NEMP2: variants seen among roughly 807,000 people sequenced by gnomAD.
The protein encoded by NEMP2 is nuclear envelope integral membrane protein 2, also known as UPF0571 transmembrane protein.
In NEMP2, 53 loss-of-function variants were observed where a neutral mutation model predicts 54.2. The ratio of observed to expected loss-of-function variants is 0.98; its 90% CI spans 0.78 to 1.23. The LOEUF (loss-of-function observed/expected upper bound fraction) is 1.23. Among genes scored for constraint, NEMP2 ranks in the 50% most tolerant of loss-of-function variants. The probability of loss-of-function intolerance (pLI) is 0.00; values close to 1 mark genes in which losing one functional copy is unlikely to be tolerated. For synonymous variants in NEMP2, 197 were observed against 190.3 expected (o/e 1.04, Z -0.29); for missense variants, 455 against 511.3 (o/e 0.89, Z 1.06).
the NEMP2 span, among the ~76,000 whole-genome samples, chr2:190,554,552 G>C: frequency 5.9e-4 from 90 of 152,348 alleles, no homozygotes; most frequent in Admixed American, 1.6e-3. This position sits in a 1 kb window ranked among gnomAD's most constrained non-coding sequence, Gnocchi z 5.7. Flanking sequence ...ATTTCAAACT[G>C]GGCGGAGCCC....
At chr2:190,438,231 T>C in the NEMP2 span, among the ~76,000 whole-genome samples, 1 of 151,010 alleles carries the variant, frequency 6.6e-6, no homozygotes, top group East Asian at 1.9e-4. This position sits in a 1 kb window ranked among gnomAD's most constrained non-coding sequence, Gnocchi z 5.2. Flanking sequence ...AAAAAATCTA[T>C]AGGCTGGGCA....
In NEMP2 at chr2:190,514,755, T is replaced by G; in HGVS notation, c.728-77A>C. 1 of 1,376,694 alleles carries G rather than the reference T, an allele frequency of 7.3e-7. No homozygotes were observed. Among genetic ancestry groups the G allele is most frequent in the Non-Finnish European group, 1.0e-6 (1 of 999,324 alleles). 85.3% of individuals were successfully genotyped at this position (1,376,694 alleles called of 1,614,324 possible). On this transcript the variant is annotated intron_variant, in intron 6 of 8. Coordinates refer to ENST00000409150, the MANE Select transcript of NEMP2 (RefSeq NM_001142645.2). This position sits in a 1 kb window ranked among gnomAD's most constrained non-coding sequence, Gnocchi z 5.7. Reference sequence around the variant, plus strand: ...GTGAAAAACCTGGCAGAGCCTTGACTTAAAGGTAAAAACTATTAGAGAACC... The same window carrying G: ...GTGAAAAACCTGGCAGAGCCTTGACGTAAAGGTAAAAACTATTAGAGAACC...
At chr2:190,430,026 G>C in the NEMP2 span, among the ~76,000 whole-genome samples, 1,191 of 147,580 alleles carry the variant, frequency 8.1e-3, 58 homozygotes, top group East Asian at 0.14. Flanking sequence ...GCCCCAGTGT[G>C]TGATGTTCCC....
At chr2:190,426,774 G>A in the NEMP2 span, among the ~76,000 whole-genome samples, 1 of 152,144 alleles carries the variant, frequency 6.6e-6, no homozygotes, top group East Asian at 1.9e-4. The surrounding 1 kb of genome is among the most constrained non-coding windows in gnomAD (Gnocchi z 4.7). Flanking sequence ...GGTTCTTGGT[G>A]TGACGAATGA....
the NEMP2 span, among the ~76,000 whole-genome samples, chr2:190,612,439 C>T: frequency 2.6e-5 from 4 of 152,278 alleles, no homozygotes; most frequent in African/African-American, 9.6e-5. Flanking sequence ...CAGGCGTGAG[C>T]CACTGCGCCC....
the NEMP2 span, among the ~76,000 whole-genome samples, chr2:190,581,930 GC>G: frequency 1.3e-5 from 2 of 152,054 alleles, no homozygotes; most frequent in Non-Finnish European, 2.9e-5. Flanking sequence ...ACAAAAATAG[GC>G]AAATGCTATA....
At chr2:190,511,588 T>C (rs1690368255) in intron 7 of NEMP2, among the ~76,000 whole-genome samples, 1 of 147,752 alleles carries the variant, frequency 6.8e-6, no homozygotes, top group Admixed American at 6.8e-5. Context: ...AGAGTCTCGC[T>C]CTGTTGCCCA....
the NEMP2 span, chr2:190,497,559 C>T: frequency 1.9e-6 from 3 of 1,614,166 alleles, no homozygotes; most frequent in Admixed American, 1.7e-5. The surrounding 1 kb of genome is among the most constrained non-coding windows in gnomAD (Gnocchi z 5.2). Flanking sequence ...AGACTTCCAC[C>T]CAAGAAAACT....
chr2:190,541,868 C>T, the NEMP2 span, among the ~76,000 whole-genome samples: 2 of 87,230 alleles, frequency 2.3e-5, no homozygotes, highest in African/African-American at 5.9e-5. The surrounding 1 kb of genome is among the most constrained non-coding windows in gnomAD (Gnocchi z 5.2). Context: ...TCTTGGATAG[C>T]AGTTTTTTTT....
At chr2:190,444,334 GGTAC>G in the NEMP2 span, among the ~76,000 whole-genome samples, 3 of 152,164 alleles carry the variant, frequency 2.0e-5, no homozygotes, top group African/African-American at 7.2e-5. Flanking sequence ...TTTTCACAGA[GGTAC>G]GAAGATTCCA....
the NEMP2 span, among the ~76,000 whole-genome samples, chr2:190,555,779 G>A: frequency 6.6e-6 from 1 of 152,052 alleles, no homozygotes; most frequent in Non-Finnish European, 1.5e-5. This position sits in a 1 kb window ranked among gnomAD's most constrained non-coding sequence, Gnocchi z 4.8. Flanking sequence ...CCCCAACCTA[G>A]CAAGGCAGGC....
chr2:190,545,713 G>C, the NEMP2 span, among the ~76,000 whole-genome samples: 19 of 152,238 alleles, frequency 1.2e-4, no homozygotes, highest in Admixed American at 1.1e-3. Context: ...GGTGGGTGGA[G>C]GTTGGGGAAC....
Position 190,510,495 on chromosome 2 carries a change from T to C in NEMP2, c.996A>G (p.Lys332=), listed in dbSNP as rs751336522. 2 of 1,551,960 alleles carry C rather than the reference T, an allele frequency of 1.3e-6. No individual in the cohort carries two copies. The change falls in exon 8 of 9, where the codon AAA becomes AAG. Residue 332 remains lysine (K), a synonymous_variant. Coordinates refer to ENST00000409150, the MANE Select transcript of NEMP2 (RefSeq NM_001142645.2). The surrounding 1 kb of genome is among the most constrained non-coding windows in gnomAD (Gnocchi z 5.7). ...QWFTSKELVV[K]YLTEDEYREQ... is the part of the protein sequence containing the mutation. ...CCCTGTACTCGTCTTCCGTAAGATA[T>C]TTCACCACCAGCTCTTTTGATGTAA...
At chr2:190,573,221 TTTC>T in the NEMP2 span, among the ~76,000 whole-genome samples, 1 of 152,116 alleles carries the variant, frequency 6.6e-6, no homozygotes, top group Non-Finnish European at 1.5e-5. Flanking sequence ...ATGCCTCTGA[TTTC>T]TTATTTTAAA....
the NEMP2 span, among the ~76,000 whole-genome samples, chr2:190,441,233 A>G: frequency 6.6e-6 from 1 of 152,060 alleles, no homozygotes; most frequent in East Asian, 1.9e-4. Context: ...TATGTTTTCC[A>G]GGGTCTGTTC....
At chr2:190,517,737 C>G (rs1690611396) in intron 4 of NEMP2, 124 bp from the exon 5 acceptor site, 1 of 706,056 alleles carries the variant, frequency 1.4e-6, no homozygotes, top group East Asian at 2.8e-5. Flanking sequence ...GATGGCAGCT[C>G]TCATTACATC....
the NEMP2 span, among the ~76,000 whole-genome samples, chr2:190,479,970 C>T: frequency 6.6e-6 from 1 of 152,078 alleles, no homozygotes; most frequent in East Asian, 1.9e-4. Flanking sequence ...TGTTTTCAGC[C>T]TGGGCAACCT....
the NEMP2 span, among the ~76,000 whole-genome samples, chr2:190,590,608 A>C: frequency 1.3e-5 from 2 of 152,198 alleles, no homozygotes; most frequent in African/African-American, 2.4e-5. The surrounding 1 kb of genome is among the most constrained non-coding windows in gnomAD (Gnocchi z 5.1). Flanking sequence ...GGAAGGGATC[A>C]TTTACTCTCA....
chr2:190,450,488 C>CTTTT, the NEMP2 span, among the ~76,000 whole-genome samples: 19,195 of 97,080 alleles, frequency 0.2, 2,644 homozygotes, highest in Non-Finnish European at 0.27. Flanking sequence ...TCTCTTTTTC[C>CTTTT]TTTTTTTTTT....
Sources: allele counts gnomAD v4.1 joint callset (sites outside exome capture counted in the v4.1 genomes callset), GRCh38; gene constraint gnomAD v4.1.1; non-coding constraint Gnocchi (gnomAD v3.1); transcripts MANE v1.5; gene names NCBI Gene and HGNC (gene_info 2026-07-23, HGNC 2026-07-21).